SOX5: variants seen among roughly 807,000 people sequenced by gnomAD.
SOX5 encodes transcription factor SOX-5.
In SOX5, 9 loss-of-function variants were observed where a neutral mutation model predicts 92.0. The observed-to-expected ratio is 0.10, with a 90% CI of 0.06 to 0.17. SOX5 has a LOEUF of 0.17. SOX5 is among the 10% of genes least tolerant of loss of function. SOX5 has a pLI of 1.00. For missense variants in SOX5, 642 were observed against 944.5 expected (o/e 0.68, Z 4.20); for synonymous variants, 344 against 336.3 (o/e 1.02, Z -0.25).
intron 4 of SOX5, among the ~76,000 whole-genome samples, chr12:24,005,512 A>C (rs985946882): frequency 6.6e-6 from 1 of 152,190 alleles, no homozygotes; most frequent in Non-Finnish European, 1.5e-5. Flanking sequence ...ATACAGTTCC[A>C]GAATTAGTCT....
intron 2 of SOX5, among the ~76,000 whole-genome samples, chr12:23,852,226 T>C (rs952125984): frequency 6.6e-6 from 1 of 152,146 alleles, no homozygotes; most frequent in Non-Finnish European, 1.5e-5. Flanking sequence ...CCTGAACTAA[T>C]GAGTTCTAAT....
chr12:24,499,517 T>C (rs574406655), intron 1 of SOX5, among the ~76,000 whole-genome samples: 294 of 152,346 alleles, frequency 1.9e-3, no homozygotes, highest in African/African-American at 6.8e-3. Context: ...TAATTCAGTC[T>C]GAATGGTACA....
At chr12:23,708,875 C>T (rs2091743540) in intron 6 of SOX5, among the ~76,000 whole-genome samples, 1 of 152,132 alleles carries the variant, frequency 6.6e-6, no homozygotes, top group South Asian at 2.1e-4. Flanking sequence ...AGGACTTCCT[C>T]ATAGAATACG....
chr12:24,149,519 T>C (rs1951446652), intron 4 of SOX5, among the ~76,000 whole-genome samples: 1 of 152,094 alleles, frequency 6.6e-6, no homozygotes, highest in Non-Finnish European at 1.5e-5. Flanking sequence ...TCCATTAGAA[T>C]GACTAAAATT....
chr12:24,191,237 C>T (rs191526746), intron 4 of SOX5, among the ~76,000 whole-genome samples: 3 of 152,332 alleles, frequency 2.0e-5, no homozygotes, highest in Admixed American at 6.5e-5. Context: ...CCAGGCAGAC[C>T]TCATAGTTCT....
chr12:23,634,004 T>A (rs900872757), intron 8 of SOX5, among the ~76,000 whole-genome samples: 1 of 152,152 alleles, frequency 6.6e-6, no homozygotes, highest in Non-Finnish European at 1.5e-5. Flanking sequence ...TTTTTCATAC[T>A]CTTAGAATCT....
intron 4 of SOX5, among the ~76,000 whole-genome samples, chr12:23,991,748 G>T (rs1950576444): frequency 1.6e-5 from 2 of 125,544 alleles, no homozygotes; most frequent in African/African-American, 5.5e-5. Context: ...AAATACAGGA[G>T]GTTTTTTTTT....
intron 3 of SOX5, among the ~76,000 whole-genome samples, chr12:23,818,788 AT>A (rs1389114349): frequency 1.3e-5 from 2 of 152,076 alleles, no homozygotes; most frequent in Non-Finnish European, 2.9e-5. Context: ...CTATTCTTAA[AT>A]TTTTAATTTT....
intron 9 of SOX5, among the ~76,000 whole-genome samples, chr12:23,578,677 C>A (rs906555413): frequency 6.6e-6 from 1 of 152,062 alleles, no homozygotes; most frequent in African/African-American, 2.4e-5. Flanking sequence ...AGATTAGAAT[C>A]CAGATCTACT....
chr12:23,554,987 C>A (rs1367241578), intron 11 of SOX5, among the ~76,000 whole-genome samples: 20 of 152,212 alleles, frequency 1.3e-4, no homozygotes, highest in Non-Finnish European at 2.9e-5. Flanking sequence ...AAAGACCACT[C>A]TTTGATAGGC....
chr12:23,646,784 C>G (rs922823067), intron 7 of SOX5, among the ~76,000 whole-genome samples: 1 of 152,206 alleles, frequency 6.6e-6, no homozygotes, highest in African/African-American at 2.4e-5. Flanking sequence ...GAGATGGCAG[C>G]AATTTAGTCA....
At chr12:23,970,841 A>ATATATTTTTTTTTTTTT in intron 4 of SOX5, among the ~76,000 whole-genome samples, 1 of 21,876 alleles carries the variant, frequency 4.6e-5, no homozygotes. Flanking sequence ...TATATATATA[A>ATATATTTTTTTTTTTTT]TTTTTTTTTT....
At chr12:23,569,182 A>G (rs1001465312) in intron 10 of SOX5, among the ~76,000 whole-genome samples, 3 of 152,090 alleles carry the variant, frequency 2.0e-5, no homozygotes, top group Admixed American at 2.0e-4. Flanking sequence ...ACAAAGCAAG[A>G]CTCTGTCTAA....
chr12:24,057,409 C>T (rs1242725593), intron 4 of SOX5, among the ~76,000 whole-genome samples: 1 of 152,134 alleles, frequency 6.6e-6, no homozygotes, highest in Non-Finnish European at 1.5e-5. Flanking sequence ...CATTTCTCCC[C>T]CTCTTTACAT....
intron 4 of SOX5, among the ~76,000 whole-genome samples, chr12:23,960,899 T>G (rs1946857664): frequency 6.6e-6 from 1 of 152,054 alleles, no homozygotes; most frequent in African/African-American, 2.4e-5. Context: ...GGGACAGGTG[T>G]GAGATTAAAA....
chr12:23,974,340 T>C (rs1274835895), intron 4 of SOX5, among the ~76,000 whole-genome samples: 1 of 152,210 alleles, frequency 6.6e-6, no homozygotes, highest in Non-Finnish European at 1.5e-5. Flanking sequence ...GGAGTGTTGA[T>C]ATCTCTTTGA....
chr12:24,509,392 T>A (rs1949099819), intron 1 of SOX5, among the ~76,000 whole-genome samples: 1 of 152,124 alleles, frequency 6.6e-6, no homozygotes. Context: ...CCAGTTGCTT[T>A]AGGGGTGAAA....
At chr12:23,800,556 T>TAA (rs140750276) in intron 3 of SOX5, among the ~76,000 whole-genome samples, 1 of 148,920 alleles carries the variant, frequency 6.7e-6, no homozygotes, top group Non-Finnish European at 1.5e-5. Flanking sequence ...CTTTAAAATT[T>TAA]AAAAAAAAAA....
intron 2 of SOX5, among the ~76,000 whole-genome samples, chr12:24,363,487 TA>T (rs1376611689): frequency 1.3e-5 from 2 of 152,208 alleles, no homozygotes; most frequent in Admixed American, 6.5e-5. Context: ...TCAGCATTTA[TA>T]AGCCCACTGG....
Sources: gnomAD v4.1 joint callset for allele counts (sites outside exome capture counted in the v4.1 genomes callset) on GRCh38, gnomAD v4.1.1 for gene constraint, MANE v1.5 for transcripts, NCBI Gene and HGNC (gene_info 2026-07-23, HGNC 2026-07-21) for gene names.